Variants in CNTNAP2 observed in about 807,000 individuals in gnomAD.
The protein encoded by CNTNAP2 is contactin associated protein 2, also known as contactin-associated protein-like 2.
In CNTNAP2, 98 loss-of-function variants were observed where a neutral mutation model predicts 155.2. That is an observed-to-expected ratio of 0.63 (90% CI 0.54 to 0.75). CNTNAP2 has a LOEUF of 0.75. CNTNAP2 is among the 30% of genes least tolerant of loss of function. CNTNAP2 has a pLI of 0.00. For missense variants in CNTNAP2, 1,727 were observed against 1,688.1 expected, an observed-to-expected ratio of 1.02 and a Z score of -0.40; for synonymous variants, 651 against 631.2, an observed-to-expected ratio of 1.03 and a Z score of -0.47.
intron 1 of CNTNAP2, among the ~76,000 whole-genome samples, chr7:146,559,490 C>A (rs952535412): frequency 6.6e-6 from 1 of 151,856 alleles, no homozygotes; most frequent in Non-Finnish European, 1.5e-5. Flanking sequence ...ATCACTTGAA[C>A]CCGGGAGTGC....
intron 15 of CNTNAP2, among the ~76,000 whole-genome samples, chr7:148,055,513 T>C (rs1802990086): frequency 6.6e-6 from 1 of 152,240 alleles, no homozygotes; most frequent in Non-Finnish European, 1.5e-5. Flanking sequence ...TTTATTAATC[T>C]ACCCCTCAGC....
At chr7:146,646,086 G>T (rs944562774) in intron 1 of CNTNAP2, among the ~76,000 whole-genome samples, 1 of 152,102 alleles carries the variant, frequency 6.6e-6, no homozygotes, top group African/African-American at 2.4e-5. Flanking sequence ...TTATAGTCTT[G>T]TATTCACACT....
chr7:147,642,458 C>G (rs766443077), intron 13 of CNTNAP2, among the ~76,000 whole-genome samples: 4 of 152,018 alleles, frequency 2.6e-5, no homozygotes, highest in Non-Finnish European at 5.9e-5. Flanking sequence ...AGTTCAGCAT[C>G]TTTCTTTCCC....
At chr7:147,730,439 T>C (rs1185774554) in intron 13 of CNTNAP2, among the ~76,000 whole-genome samples, 4 of 152,104 alleles carry the variant, frequency 2.6e-5, no homozygotes, top group Non-Finnish European at 5.9e-5. Flanking sequence ...CTCATTATTA[T>C]TATATCTGTT....
intron 13 of CNTNAP2, among the ~76,000 whole-genome samples, chr7:147,755,305 A>G (rs547712260): frequency 7.2e-5 from 11 of 152,198 alleles, no homozygotes; most frequent in Non-Finnish European, 1.5e-4. Context: ...ATATTCCTAG[A>G]TAATTTGTCA....
intron 1 of CNTNAP2, among the ~76,000 whole-genome samples, chr7:146,643,356 C>G (rs1251310387): frequency 6.6e-6 from 1 of 152,020 alleles, no homozygotes; most frequent in Non-Finnish European, 1.5e-5. Context: ...AGGAAGGGAT[C>G]CAGTTTCAGC....
At chr7:146,178,941 G>A (rs1353905984) in intron 1 of CNTNAP2, among the ~76,000 whole-genome samples, 7 of 152,288 alleles carry the variant, frequency 4.6e-5, no homozygotes, top group Middle Eastern at 3.4e-3. Context: ...ATGATTTAGG[G>A]CTGCTGTTAT....
intron 1 of CNTNAP2, among the ~76,000 whole-genome samples, chr7:146,647,681 A>C (rs937872725): frequency 3.3e-5 from 5 of 152,162 alleles, no homozygotes; most frequent in Admixed American, 6.6e-5. Flanking sequence ...GTCTTACTTG[A>C]TAAACAGTGC....
intron 13 of CNTNAP2, among the ~76,000 whole-genome samples, chr7:147,814,487 A>C (rs1003804482): frequency 2.5e-4 from 38 of 152,188 alleles, no homozygotes; most frequent in African/African-American, 8.4e-4. Flanking sequence ...TGGTTTAATA[A>C]TAGTCATTCC....
At chr7:147,124,966 C>T (rs545026615) in intron 6 of CNTNAP2, among the ~76,000 whole-genome samples, 135 of 150,454 alleles carry the variant, frequency 9.0e-4, no homozygotes, top group African/African-American at 2.8e-3. Flanking sequence ...CTGCAACCTC[C>T]GCCTCCCGGG....
At chr7:146,710,961 C>A (rs1390492000) in intron 1 of CNTNAP2, among the ~76,000 whole-genome samples, 1 of 151,948 alleles carries the variant, frequency 6.6e-6, no homozygotes, top group Non-Finnish European at 1.5e-5. Flanking sequence ...AGTTGAGGCA[C>A]CTGCCTGGTT....
chr7:146,780,901 T>G (rs186155472), intron 2 of CNTNAP2, among the ~76,000 whole-genome samples: 28 of 151,836 alleles, frequency 1.8e-4, no homozygotes, highest in African/African-American at 6.3e-4. Flanking sequence ...AGGAGAGCAT[T>G]AGGAGAAATA....
chr7:146,703,002 C>T (rs186675354), intron 1 of CNTNAP2, among the ~76,000 whole-genome samples: 2 of 152,162 alleles, frequency 1.3e-5, no homozygotes, highest in Admixed American at 1.3e-4. Context: ...GACAAATCCC[C>T]AAGGGATCCT....
At position 148,420,097 on chromosome 7, in the gene CNTNAP2, T is replaced by A. The variant is rs147749917; in HGVS notation, c.*4481T>A. The A allele has an allele frequency of 3.3e-5, 5 of 152,330 alleles. No individual in the cohort carries two copies. The highest frequency in any genetic ancestry group is 1.2e-4 in the African/African-American group (5 of 41,572). The allele number at this position is 152,330 out of a possible 1,614,324, so 9.4% of individuals were successfully genotyped here. On this transcript the variant is annotated 3_prime_UTR_variant, in exon 24 of 24. Transcript: ENST00000361727. ...CTGGCATGGCTCTACAGCTGCTCAG[T>A]TATTAATCATGCAGACTAACCTGTC...
At chr7:147,402,402 G>A (rs1281743963) in intron 10 of CNTNAP2, among the ~76,000 whole-genome samples, 1 of 152,140 alleles carries the variant, frequency 6.6e-6, no homozygotes, top group Non-Finnish European at 1.5e-5. Context: ...GCTCCTTCTG[G>A]CCTTCAGATA....
At chr7:148,249,342 CCTT>C (rs1358795374) in intron 20 of CNTNAP2, among the ~76,000 whole-genome samples, 2 of 151,906 alleles carry the variant, frequency 1.3e-5, no homozygotes, top group Non-Finnish European at 2.9e-5. Flanking sequence ...CTCCTGTCCT[CCTT>C]CTCCCTCATG....
intron 4 of CNTNAP2, among the ~76,000 whole-genome samples, chr7:147,071,299 TA>T (rs1358935092): frequency 2.4e-4 from 36 of 147,058 alleles, no homozygotes; most frequent in African/African-American, 9.2e-4. Context: ...GTTATTCAGC[TA>T]ACAGGTATAA....
chr7:146,416,759 G>C (rs981051530), intron 1 of CNTNAP2, among the ~76,000 whole-genome samples: 11 of 151,972 alleles, frequency 7.2e-5, no homozygotes, highest in Non-Finnish European at 1.6e-4. Flanking sequence ...TATCTTTCTA[G>C]TGCATTTCAA....
At chr7:147,732,992 C>T (rs936773658) in intron 13 of CNTNAP2, among the ~76,000 whole-genome samples, 3 of 152,172 alleles carry the variant, frequency 2.0e-5, no homozygotes, top group African/African-American at 7.2e-5. Context: ...GTTGCCAGTT[C>T]ACTCTGATGG....
Sources: gnomAD v4.1 joint callset for allele counts (sites outside exome capture counted in the v4.1 genomes callset) on GRCh38, gnomAD v4.1.1 for gene constraint, MANE v1.5 for transcripts, NCBI Gene and HGNC (gene_info 2026-07-23, HGNC 2026-07-21) for gene names.